Variants in ALK observed in about 807,000 individuals in gnomAD.
The protein encoded by ALK is ALK receptor tyrosine kinase.
In ALK, 74 loss-of-function variants were observed where a neutral mutation model predicts 163.1. The observed-to-expected ratio is 0.45, with a 90% CI of 0.38 to 0.55. The LOEUF (loss-of-function observed/expected upper bound fraction) is 0.55, where lower values mean the gene tolerates loss of function less well. Ranked by LOEUF, ALK falls within the 20% of genes least tolerant of loss-of-function variation. ALK has a pLI of 0.00. For missense variants in ALK, 2,063 were observed against 2,105.3 expected (o/e 0.98, Z 0.39); for synonymous variants, 960 against 843.2 (o/e 1.14, Z -2.40).
chr2:29,318,515 AG>A, intron 7 of ALK, 111 bp from the exon 8 acceptor site: 1 of 780,406 alleles, frequency 1.3e-6, no homozygotes, highest in Non-Finnish European at 2.2e-6. Flanking sequence ...GATATCTTTG[AG>A]GAAACAGGTT....
intron 3 of ALK, among the ~76,000 whole-genome samples, chr2:29,629,060 T>A (rs1015514149): frequency 1.3e-5 from 2 of 152,124 alleles, no homozygotes; most frequent in Admixed American, 1.3e-4. Flanking sequence ...AAGTTGCAAG[T>A]GCTTATTTGA....
At chr2:29,527,114 G>A (rs1240615011) in intron 4 of ALK, among the ~76,000 whole-genome samples, 1 of 152,218 alleles carries the variant, frequency 6.6e-6, no homozygotes, top group Non-Finnish European at 1.5e-5. Flanking sequence ...TTCCACTTTA[G>A]AAGGTAAGAA....
intron 3 of ALK, among the ~76,000 whole-genome samples, chr2:29,566,068 A>T (rs13412931): frequency 0.15 from 23,441 of 152,020 alleles, 2,086 homozygotes; most frequent in East Asian, 0.28. Flanking sequence ...TGAGTGACAA[A>T]CTTACAGGGA....
chr2:29,311,687 T>C (rs1022701701), intron 8 of ALK, among the ~76,000 whole-genome samples: 1 of 152,172 alleles, frequency 6.6e-6, no homozygotes, highest in Non-Finnish European at 1.5e-5. Flanking sequence ...GGAGATGCTC[T>C]TGCATCTGGA....
chr2:29,221,176 TC>T (rs748429047), intron 22 of ALK: 1 of 549,354 alleles, frequency 1.8e-6, no homozygotes, highest in Admixed American at 2.2e-5. Context: ...GAATTCATGG[TC>T]GATTTCTCCC....
intron 5 of ALK, among the ~76,000 whole-genome samples, chr2:29,376,355 C>T (rs1668752486): frequency 1.3e-5 from 2 of 152,220 alleles, no homozygotes; most frequent in Admixed American, 1.3e-4. Flanking sequence ...ACTTACTTTG[C>T]ACAAACCCTT....
intron 4 of ALK, among the ~76,000 whole-genome samples, chr2:29,494,544 G>A (rs1296082270): frequency 6.6e-6 from 1 of 152,184 alleles, no homozygotes; most frequent in Non-Finnish European, 1.5e-5. Flanking sequence ...AGTGACAGCT[G>A]TAGATGGCTT....
At chr2:29,350,098 T>C (rs74608201) in intron 5 of ALK, among the ~76,000 whole-genome samples, 1 of 152,334 alleles carries the variant, frequency 6.6e-6, no homozygotes, top group East Asian at 1.9e-4. Context: ...GGCTTAGTCT[T>C]TCCAAGTCTT....
intron 6 of ALK, among the ~76,000 whole-genome samples, chr2:29,324,563 G>T (rs570756364): frequency 6.6e-6 from 1 of 152,214 alleles, no homozygotes; most frequent in African/African-American, 2.4e-5. Flanking sequence ...CTGGCAGGAA[G>T]AGTATCCCCA....
intron 1 of ALK, among the ~76,000 whole-genome samples, chr2:29,867,246 C>T (rs1374364368): frequency 6.6e-6 from 1 of 152,108 alleles, no homozygotes; most frequent in Non-Finnish European, 1.5e-5. Flanking sequence ...TTTTTGTCTC[C>T]TCATGTCCCT....
intron 3 of ALK, among the ~76,000 whole-genome samples, chr2:29,541,311 C>T (rs1363013400): frequency 6.6e-6 from 1 of 152,178 alleles, no homozygotes; most frequent in Non-Finnish European, 1.5e-5. Context: ...ATATGTGAAA[C>T]ATTTTTTGTT....
intron 1 of ALK, among the ~76,000 whole-genome samples, chr2:29,867,727 G>A (rs1666470792): frequency 6.6e-6 from 1 of 152,168 alleles, no homozygotes; most frequent in African/African-American, 2.4e-5. Context: ...CCTTGTTCCA[G>A]CAGCCATTCT....
chr2:29,391,297 C>CTT (rs1553310349), intron 4 of ALK, among the ~76,000 whole-genome samples: 3 of 45,754 alleles, frequency 6.6e-5, no homozygotes, highest in African/African-American at 1.5e-4. Flanking sequence ...TTCCTAGCCT[C>CTT]TTTTTTTTGG....
intron 1 of ALK, among the ~76,000 whole-genome samples, chr2:29,808,468 G>T (rs2148369757): frequency 6.6e-6 from 1 of 152,232 alleles, no homozygotes; most frequent in African/African-American, 2.4e-5. Context: ...CAACCCTGAG[G>T]TGCATCACAT....
rs1679303562 is a variant in ALK, at chr2:29,717,688, G to A, written c.677C>T (p.Ser226Phe). The A allele has an allele frequency of 1.2e-6, 2 of 1,614,138 alleles. No homozygotes were observed. The highest frequency in any genetic ancestry group is 1.7e-6 in the Non-Finnish European group (2 of 1,180,012). The change falls in exon 2 of 29, where the codon TCC becomes TTC. Residue 226 changes from serine to phenylalanine, a missense_variant. This residue lies in a region of ALK where 987 missense variants were observed against 939.5 expected (regional missense o/e 1.05). Coordinates refer to ENST00000389048, the MANE Select transcript of ALK (RefSeq NM_004304.5). Reference protein sequence around the residue: ...LFQIFGTGHSSLESPTNMPSP... With the variant: ...LFQIFGTGHSFLESPTNMPSP... Reference sequence around the variant, plus strand: ...AGGCATGTTTGTTGGTGATTCCAAGGAGCTATGACCTGGACATAAAAATAA... The same window carrying A: ...AGGCATGTTTGTTGGTGATTCCAAGAAGCTATGACCTGGACATAAAAATAA...
intron 4 of ALK, among the ~76,000 whole-genome samples, chr2:29,394,060 A>G (rs1403059154): frequency 6.6e-6 from 1 of 152,228 alleles, no homozygotes; most frequent in Admixed American, 6.5e-5. Flanking sequence ...GAGAAAGACA[A>G]TGAGGAACTC....
intron 1 of ALK, among the ~76,000 whole-genome samples, chr2:29,762,889 C>A (rs995857836): frequency 6.6e-6 from 1 of 151,992 alleles, no homozygotes; most frequent in Non-Finnish European, 1.5e-5. Context: ...GAGATAGAGA[C>A]CATCCTGGCC....
chr2:29,637,707 T>C, intron 3 of ALK, among the ~76,000 whole-genome samples: 2 of 11,746 alleles, frequency 1.7e-4, no homozygotes, highest in Non-Finnish European at 1.6e-4. Flanking sequence ...AGACTCCGTC[T>C]CCAAAAAAAA....
At chr2:29,387,207 G>A (rs1426718210) in intron 4 of ALK, among the ~76,000 whole-genome samples, 1 of 152,122 alleles carries the variant, frequency 6.6e-6, no homozygotes, top group African/African-American at 2.4e-5. Flanking sequence ...TGTCTCTCTG[G>A]AGCTCTCCGG....
Sources: allele counts gnomAD v4.1 joint callset (sites outside exome capture counted in the v4.1 genomes callset), GRCh38; gene constraint gnomAD v4.1.1; regional missense constraint gnomAD v4.1.1; transcripts MANE v1.5; gene names NCBI Gene and HGNC (gene_info 2026-07-23, HGNC 2026-07-21).